LNPEP: variants seen among roughly 807,000 people sequenced by gnomAD.
LNPEP encodes the protein leucyl-cystinyl aminopeptidase.
A neutral mutation model predicts 120.6 loss-of-function variants in LNPEP; 64 were observed. The observed-to-expected ratio is 0.53, with a 90% CI of 0.43 to 0.65. The LOEUF is 0.65. Ranked by LOEUF, LNPEP falls within the 30% of genes least tolerant of loss-of-function variation. The pLI is 0.00. For missense variants in LNPEP, 1,057 were observed against 1,200.0 expected (o/e 0.88, Z 1.76); for synonymous variants, 435 against 425.4 (o/e 1.02, Z -0.28).
rs1366927681 is a variant in LNPEP at position 97,034,511 on chromosome 5, C to G, written c.*5978C>G. 5 of 150,684 alleles carry G rather than the reference C, an allele frequency of 3.3e-5. No individual in the cohort carries two copies. The South Asian group carries it at 1.0e-3, about 31-fold the overall frequency. 9.3% of individuals were successfully genotyped at this position (150,684 alleles called of 1,614,324 possible). On this transcript the variant is annotated 3_prime_UTR_variant, in exon 18 of 18. Transcript: ENST00000231368. Reference sequence around the variant, plus strand: ...TTGTTGTTATTGTTGTTCTTTCACTCTCAACACAGTTTTTTGTTTGGAGTT... The same window carrying G: ...TTGTTGTTATTGTTGTTCTTTCACTGTCAACACAGTTTTTTGTTTGGAGTT...
intron 1 of LNPEP, among the ~76,000 whole-genome samples, chr5:96,962,116 C>T (rs1470570331): frequency 1.3e-5 from 2 of 152,186 alleles, no homozygotes; most frequent in African/African-American, 4.8e-5. Context: ...CCTAAACCTC[C>T]ATGCAACTCT....
chr5:97,006,542 G>A (rs1322105715), intron 11 of LNPEP, 27 bp downstream of exon 11: 1 of 1,162,158 alleles, frequency 8.6e-7, no homozygotes, highest in Non-Finnish European at 1.3e-6. Flanking sequence ...AGTTCTGATT[G>A]GAAATGGCAT....
chr5:96,964,144 T>C (rs1237554050), intron 1 of LNPEP, among the ~76,000 whole-genome samples: 1 of 151,764 alleles, frequency 6.6e-6, no homozygotes, highest in Non-Finnish European at 1.5e-5. Flanking sequence ...TACATTTGAG[T>C]GAGATCATGT....
chr5:97,022,570 T>C, intron 14 of LNPEP, 86 bp downstream of exon 14: 1 of 1,096,186 alleles, frequency 9.1e-7, no homozygotes, highest in Non-Finnish European at 1.3e-6. Flanking sequence ...TCATCCTGGA[T>C]CATAAATGTT....
chr5:96,954,770 ATATTTTTTTTTTTTT>A (rs1789418912), intron 1 of LNPEP, among the ~76,000 whole-genome samples: 1 of 29,490 alleles, frequency 3.4e-5, no homozygotes, highest in African/African-American at 1.3e-4. Flanking sequence ...ATATATATAT[ATATTTTTTTTTTTTT>A]TTTTTTTTTT....
chr5:96,973,861 C>T (rs1347207165), intron 1 of LNPEP, among the ~76,000 whole-genome samples: 3 of 152,104 alleles, frequency 2.0e-5, no homozygotes, highest in Non-Finnish European at 4.4e-5. Flanking sequence ...TGTTGTTTGT[C>T]ATGGCTTCGC....
chr5:97,027,590 G>T (rs1791375510), intron 16 of LNPEP, 143 bp from the exon 17 acceptor site: 1 of 606,520 alleles, frequency 1.6e-6, no homozygotes, highest in Admixed American at 2.9e-5. Context: ...AGTATGCATA[G>T]GGCTACCCCG....
At chr5:96,964,982 T>A (rs745696628) in intron 1 of LNPEP, among the ~76,000 whole-genome samples, 1 of 152,192 alleles carries the variant, frequency 6.6e-6, no homozygotes, top group Non-Finnish European at 1.5e-5. Flanking sequence ...ATTTTTAGAA[T>A]TGATGTGACA....
chr5:96,936,243 A>T, intron 1 of LNPEP, 69 bp downstream of exon 1: 1 of 1,273,436 alleles, frequency 7.9e-7, no homozygotes, highest in Non-Finnish European at 1.0e-6. Context: ...CAGTCGTGAC[A>T]CGCGGGGTCG....
chr5:96,959,571 T>A lies in LNPEP; in HGVS notation c.20-19567T>A, dbSNP rs144037294. ...TAATAATTTGCTGAAATCTTCCTTA[T>A]TTTTTACTTTTTATGAAGCTTTTAG... On this transcript the variant is annotated intron_variant, in intron 1 of 17. Transcript: ENST00000231368. 1.2e-3 allele frequency among the ~76,000 whole-genome samples: 189 copies of A among 152,342 alleles called. 2 individuals are homozygous for A. The highest frequency in any genetic ancestry group is 4.2e-3 in the African/African-American group (176 of 41,580).
At chr5:96,954,026 G>A (rs1245965815) in intron 1 of LNPEP, among the ~76,000 whole-genome samples, 1 of 152,158 alleles carries the variant, frequency 6.6e-6, no homozygotes, top group Non-Finnish European at 1.5e-5. Context: ...TGTATACTCT[G>A]TATTAATCTG....
rs369747655 is a variant in LNPEP at position 96,979,472 on chromosome 5, C to A, written c.354C>A (p.Ile118=). The part of the protein sequence containing the change: ...ARTMVVCAFV[I]VVAVSVIMVI... ...CCATGGTGGTCTGTGCTTTTGTCATCGTGGTTGCTGTTTCTGTAATCATGG... is the reference window on the plus strand; with the variant it reads ...CCATGGTGGTCTGTGCTTTTGTCATAGTGGTTGCTGTTTCTGTAATCATGG... The change falls in exon 2 of 18, where the codon ATC becomes ATA. Residue 118 remains isoleucine (I), a synonymous_variant. Transcript: ENST00000231368. 6.2e-7 allele frequency: 1 copy of A among 1,614,068 alleles called. No homozygotes were observed. The highest frequency in any genetic ancestry group is 1.1e-5 in the South Asian group (1 of 91,084).
intron 1 of LNPEP, among the ~76,000 whole-genome samples, chr5:96,974,445 A>G (rs1789941750): frequency 6.6e-6 from 1 of 151,912 alleles, no homozygotes; most frequent in Non-Finnish European, 1.5e-5. Context: ...CTACGCCAGC[A>G]TTTTCCCTCC....
Position 96,950,559 on chromosome 5 carries a change from G to A in LNPEP, c.19+14385G>A, listed in dbSNP as rs145472774. ...TGTCAACTGGGCAAAGCCACTGAAA[G>A]GCAGGACTCTCTATTAGTTGACGTA... On this transcript the variant is annotated intron_variant, in intron 1 of 17. Coordinates refer to ENST00000231368, the MANE Select transcript of LNPEP (RefSeq NM_005575.3). Among the ~76,000 whole-genome samples the A allele has an allele frequency of 1.2e-3, 190 of 152,314 alleles. 1 individual carries two copies. Among genetic ancestry groups the A allele is most frequent in the African/African-American group, 4.5e-3 (186 of 41,570 alleles).
intron 14 of LNPEP, 23 bp from the exon 15 acceptor site, chr5:97,024,498 A>G (rs762147531): frequency 1.2e-5 from 20 of 1,606,646 alleles, no homozygotes; most frequent in African/African-American, 2.7e-5. Context: ...TGTTATTCTC[A>G]TGTTTGACCA....
intron 1 of LNPEP, among the ~76,000 whole-genome samples, chr5:96,969,409 A>G (rs551655346): frequency 6.6e-6 from 1 of 152,220 alleles, no homozygotes; most frequent in East Asian, 1.9e-4. Context: ...AAATTTGGGC[A>G]TAACTGGTAT....
intron 1 of LNPEP, among the ~76,000 whole-genome samples, chr5:96,974,148 G>A (rs1284523068): frequency 6.6e-6 from 1 of 152,044 alleles, no homozygotes; most frequent in Non-Finnish European, 1.5e-5. Context: ...TTCCACTGGG[G>A]TTTCTGACCT....
At position 96,936,139 on chromosome 5, in the gene LNPEP, G is replaced by A; in HGVS notation, c.-17G>A. 4.0e-6 allele frequency: 6 copies of A among 1,508,448 alleles called. No homozygotes were observed. The highest frequency in any genetic ancestry group is 5.3e-6 in the Non-Finnish European group (6 of 1,129,410). The allele number at this position is 1,508,448 out of a possible 1,614,324, so 93.4% of individuals were successfully genotyped here. ...AGCTCGGGCGCTCCGGCTGTAAGGA[G>A]CCGCGGCGGGGGGAAAATGGAGCCC... On this transcript the variant is annotated 5_prime_UTR_variant, in exon 1 of 18. Transcript: ENST00000231368.
In LNPEP at chr5:97,028,659, A is replaced by G; in HGVS notation, c.*126A>G. On this transcript the variant is annotated 3_prime_UTR_variant, in exon 18 of 18. Coordinates refer to ENST00000231368, the MANE Select transcript of LNPEP (RefSeq NM_005575.3). Reference sequence around the variant, plus strand: ...AGTTGTTTGCACTCTTTGGAGTTCTAGTTAGCTCAGGGCCTGACTGTATTT... The same window carrying G: ...AGTTGTTTGCACTCTTTGGAGTTCTGGTTAGCTCAGGGCCTGACTGTATTT... 2.2e-6 allele frequency: 2 copies of G among 902,242 alleles called. No individual in the cohort carries two copies. The highest frequency in any genetic ancestry group is 3.5e-6 in the Non-Finnish European group (2 of 579,470). 55.9% of individuals were successfully genotyped at this position (902,242 alleles called of 1,614,324 possible).
Sources: gnomAD v4.1 joint callset for allele counts (sites outside exome capture counted in the v4.1 genomes callset) on GRCh38, gnomAD v4.1.1 for gene constraint, MANE v1.5 for transcripts, NCBI Gene and HGNC (gene_info 2026-07-23, HGNC 2026-07-21) for gene names.